RBFOX1: variants seen among roughly 807,000 people sequenced by gnomAD.
The protein encoded by RBFOX1 is RNA binding protein fox-1 homolog 1.
RBFOX1 carries 8 observed loss-of-function variants against 57.7 expected under a neutral mutation model. The observed-to-expected ratio is 0.14, with a 90% CI of 0.08 to 0.25. The LOEUF (loss-of-function observed/expected upper bound fraction) is 0.25. Among genes scored for constraint, RBFOX1 ranks in the 10% least tolerant of loss-of-function variants. The pLI is 1.00. For missense variants in RBFOX1, 611 were observed against 548.5 expected (o/e 1.11, Z -1.14); for synonymous variants, 326 against 222.4 (o/e 1.47, Z -4.15).
intron 1 of RBFOX1, among the ~76,000 whole-genome samples, chr16:5,268,917 A>ATTT (rs149694271): frequency 1.4e-5 from 2 of 145,048 alleles, no homozygotes; most frequent in Non-Finnish European, 1.5e-5. Context: ...TATTTTCTCT[A>ATTT]TTTTTTTTTT....
At chr16:6,454,857 C>T (rs1183163873) in intron 2 of RBFOX1, among the ~76,000 whole-genome samples, 1 of 83,682 alleles carries the variant, frequency 1.2e-5, no homozygotes. Flanking sequence ...TCCTCATATA[C>T]AGGTTTTTTT....
At chr16:7,401,091 T>C (rs2098234894) in intron 4 of RBFOX1, among the ~76,000 whole-genome samples, 1 of 152,146 alleles carries the variant, frequency 6.6e-6, no homozygotes, top group African/African-American at 2.4e-5. Context: ...TCCAGGAGAA[T>C]TTGCCTGAAG....
At chr16:7,331,256 G>A (rs1157665721) in intron 4 of RBFOX1, among the ~76,000 whole-genome samples, 2 of 152,132 alleles carry the variant, frequency 1.3e-5, no homozygotes, top group African/African-American at 2.4e-5. Context: ...TATGTTTGGC[G>A]GTGTTTGAAG....
intron 1 of RBFOX1, among the ~76,000 whole-genome samples, chr16:6,049,701 T>C (rs1293808954): frequency 6.6e-6 from 1 of 152,160 alleles, no homozygotes; most frequent in African/African-American, 2.4e-5. Context: ...ATTCTAAAAA[T>C]AGTCTTTATT....
At chr16:7,690,483 A>G (rs2077079596) in intron 14 of RBFOX1, among the ~76,000 whole-genome samples, 1 of 152,108 alleles carries the variant, frequency 6.6e-6, no homozygotes, top group African/African-American at 2.4e-5. Context: ...GACTTGTTTT[A>G]TGAACAACTA....
intron 4 of RBFOX1, among the ~76,000 whole-genome samples, chr16:7,365,596 A>G (rs1203050620): frequency 6.6e-6 from 1 of 152,222 alleles, no homozygotes; most frequent in Admixed American, 6.5e-5. Context: ...GGATGTTGCT[A>G]AACATTTGCC....
At chr16:6,819,584 A>G (rs961923256) in intron 3 of RBFOX1, among the ~76,000 whole-genome samples, 1 of 151,918 alleles carries the variant, frequency 6.6e-6, no homozygotes, top group African/African-American at 2.4e-5. Flanking sequence ...GTATGCCTGT[A>G]ATCCCAGCTA....
At chr16:7,249,977 G>A (rs753069640) in intron 4 of RBFOX1, among the ~76,000 whole-genome samples, 1 of 152,120 alleles carries the variant, frequency 6.6e-6, no homozygotes, top group Non-Finnish European at 1.5e-5. Flanking sequence ...ATGAAGAGAA[G>A]CATTATAAAA....
chr16:7,600,736 T>C (rs928414642), intron 9 of RBFOX1, among the ~76,000 whole-genome samples: 2 of 152,210 alleles, frequency 1.3e-5, no homozygotes, highest in Non-Finnish European at 2.9e-5. Context: ...AGAAAAACTT[T>C]TAGCAGCTGC....
intron 1 of RBFOX1, among the ~76,000 whole-genome samples, chr16:5,457,527 C>T (rs1304494935): frequency 1.3e-5 from 2 of 152,198 alleles, no homozygotes; most frequent in Non-Finnish European, 2.9e-5. Flanking sequence ...CTCTGAAGAG[C>T]ATCACATTGA....
At chr16:7,580,647 C>G (rs555621132) in intron 6 of RBFOX1, among the ~76,000 whole-genome samples, 9 of 151,496 alleles carry the variant, frequency 5.9e-5, no homozygotes, top group African/African-American at 1.5e-4. Flanking sequence ...AATAGCATTG[C>G]TTTTTTTATA....
At chr16:7,289,512 C>T (rs1425406465) in intron 4 of RBFOX1, among the ~76,000 whole-genome samples, 2 of 152,058 alleles carry the variant, frequency 1.3e-5, no homozygotes, top group Admixed American at 6.6e-5. Context: ...CAGTCACCTT[C>T]ATCGTCATCA....
chr16:5,670,395 G>A (rs1258506990), intron 3 of RBFOX1, among the ~76,000 whole-genome samples: 1 of 152,116 alleles, frequency 6.6e-6, no homozygotes, highest in Non-Finnish European at 1.5e-5. Flanking sequence ...GGATTGCTGA[G>A]TGGGCAAAAT....
chr16:7,211,482 A>G (rs544907295), intron 4 of RBFOX1, among the ~76,000 whole-genome samples: 3 of 152,066 alleles, frequency 2.0e-5, no homozygotes, highest in African/African-American at 7.2e-5. Context: ...TAGAAATTCT[A>G]GGCTCTAGGA....
chr16:7,502,595 T>C (rs1215833085), intron 4 of RBFOX1, among the ~76,000 whole-genome samples: 1 of 152,190 alleles, frequency 6.6e-6, no homozygotes, highest in African/African-American at 2.4e-5. Flanking sequence ...TGTTTGTTTG[T>C]TTTGTTTTTT....
At chr16:5,808,920 C>T (rs2055324366) in intron 3 of RBFOX1, among the ~76,000 whole-genome samples, 1 of 152,132 alleles carries the variant, frequency 6.6e-6, no homozygotes, top group Non-Finnish European at 1.5e-5. Context: ...TTTCCTTCTC[C>T]TGCCTAATTT....
intron 4 of RBFOX1, among the ~76,000 whole-genome samples, chr16:7,508,667 C>T (rs2074138554): frequency 6.6e-6 from 1 of 152,148 alleles, no homozygotes; most frequent in Non-Finnish European, 1.5e-5. Flanking sequence ...TTCTTTCCAA[C>T]CTTGTAGAGC....
chr16:5,571,494 G>T (rs1426764072), intron 2 of RBFOX1, among the ~76,000 whole-genome samples: 4 of 152,004 alleles, frequency 2.6e-5, no homozygotes, highest in South Asian at 2.1e-4. Context: ...AGAGCCAAAG[G>T]CCTGAGGGTC....
chr16:5,535,085 G>T lies in RBFOX1; in HGVS notation c.259-63817G>T, dbSNP rs954400850. 3.9e-5 allele frequency among the ~76,000 whole-genome samples: 6 copies of T among 152,186 alleles called. No homozygotes were observed. In the East Asian group the frequency reaches 1.2e-3, roughly 29 times the overall value. ...CTGGAGAGAGATAAAAAATGTTATA[G>T]AGGTGCATTGACCAATACAGTAGCT... On this transcript the variant is annotated intron_variant, in intron 2 of 2. Transcript: ENST00000585867.
Sources: gnomAD v4.1 joint callset for allele counts (sites outside exome capture counted in the v4.1 genomes callset) on GRCh38, gnomAD v4.1.1 for gene constraint, MANE v1.5 for transcripts, NCBI Gene and HGNC (gene_info 2026-07-23, HGNC 2026-07-21) for gene names.